The following F10 variants were observed in gnomAD, a reference collection of about 807,000 sequenced individuals.
The protein encoded by F10 is coagulation factor X.
A neutral mutation model predicts 37.1 loss-of-function variants in F10; 29 were observed. The observed-to-expected ratio is 0.78, with a 90% CI of 0.58 to 1.07. F10 has a LOEUF of 1.07. Among genes scored for constraint, F10 ranks in the 50% least tolerant of loss-of-function variants. F10 has a pLI of 0.00. For synonymous variants in F10, 262 were observed against 268.6 expected (o/e 0.98, Z 0.24); for missense variants, 539 against 667.9 (o/e 0.81, Z 2.13).
At position 113,144,021 on chromosome 13, in the gene F10, C is replaced by G; in HGVS notation, c.673C>G (p.Pro225Ala). 6.2e-7 allele frequency: 1 copy of G among 1,613,836 alleles called. No individual in the cohort carries two copies. The highest frequency in any genetic ancestry group is 1.3e-5 in the African/African-American group (1 of 74,968). ...CCTGCTTGACTTCAACCAGACGCAG[C>G]CTGAGAGGGGCGACAACAACCTCAC... is the stretch of plus-strand genomic sequence containing the variant. ...FDLLDFNQTQ[P>A]ERGDNNLTRI... Residue 225 changes from proline (P) to alanine (A), a missense_variant, in exon 6 of 8, where the codon CCT becomes GCT. Physicochemically the swap from Pro to Ala is conservative, Grantham distance 27 (BLOSUM62 -1). Around this residue, in one of 2 missense-constraint regions of F10, gnomAD observed 409 missense variants for 547.9 expected, o/e 0.75. Transcript: ENST00000375559. This position sits in a 1 kb window ranked among gnomAD's most constrained non-coding sequence, Gnocchi z 6.4.
chr13:113,122,997 C>T, intron 1 of F10, 72 bp downstream of exon 1: 8 of 1,527,292 alleles, frequency 5.2e-6, no homozygotes, highest in Non-Finnish European at 7.1e-6. Flanking sequence ...TGGGGAAACC[C>T]TCTCATCTCT....
chr13:113,133,872 T>C (rs987789499), intron 2 of F10, among the ~76,000 whole-genome samples: 1 of 152,218 alleles, frequency 6.6e-6, no homozygotes, highest in African/African-American at 2.4e-5. Context: ...ACTGGCTCAA[T>C]ATTTAAAAAT....
rs1488030736 is a variant in F10, at chr13:113,129,451, G to C, written c.71-1G>C. ...TTAACCCTGTCCTCCCTGCCTTCCA[G>C]TGTTCATCCGCAGGGAGCAGGCCAA... is the stretch of plus-strand genomic sequence containing the variant. On this transcript the variant is annotated splice_acceptor_variant, in intron 1 of 7. Coordinates refer to ENST00000375559, the MANE Select transcript of F10 (RefSeq NM_000504.4). LOFTEE classifies it high-confidence loss of function. 2 of 1,613,686 alleles carry C rather than the reference G, an allele frequency of 1.2e-6. No homozygotes were observed. Among genetic ancestry groups the C allele is most frequent in the South Asian group, 1.1e-5 (1 of 91,056 alleles).
intron 6 of F10, among the ~76,000 whole-genome samples, chr13:113,145,079 A>G (rs1418649998): frequency 6.6e-6 from 1 of 152,086 alleles, no homozygotes; most frequent in African/African-American, 2.4e-5. Flanking sequence ...ACGGGGTTTC[A>G]CCGTGTTAGC....
intron 1 of F10, among the ~76,000 whole-genome samples, chr13:113,124,350 G>A (rs890838609): frequency 3.9e-5 from 6 of 152,236 alleles, no homozygotes; most frequent in African/African-American, 7.2e-5. Flanking sequence ...CCTGCCAATG[G>A]GAAATGCAGG....
Position 113,143,700 on chromosome 13 carries a change from CGTGGGGCCTCGCCCTGCA to C in F10, c.503-150_503-133del. ...CTGCAGATCCGACCCCTGCCGACGA[CGTGGGGCCTCGCCCTGCA>C]AGCCCGCTGCCCCTCCGGGTGCCCC... On this transcript the variant is annotated intron_variant, in intron 5 of 7. Coordinates refer to ENST00000375559, the MANE Select transcript of F10 (RefSeq NM_000504.4). The surrounding 1 kb of genome is among the most constrained non-coding windows in gnomAD (Gnocchi z 6.8). 30 of 1,143,734 alleles carry C rather than the reference CGTGGGGCCTCGCCCTGCA, an allele frequency of 2.6e-5. No individual in the cohort carries two copies. The highest frequency in any genetic ancestry group is 1.3e-4 in the South Asian group (8 of 59,270). 70.8% of individuals were successfully genotyped at this position (1,143,734 alleles called of 1,614,324 possible). A position where few individuals can be genotyped will look rare whatever the true frequency, so the allele number is the denominator to read the frequency against.
intron 1 of F10, 57 bp from the exon 2 acceptor site, chr13:113,129,395 G>C: frequency 8.0e-7 from 1 of 1,245,104 alleles, no homozygotes; most frequent in African/African-American, 1.6e-5. Flanking sequence ...GCATAGGTGA[G>C]GGGGAGCCTG....
intron 2 of F10, among the ~76,000 whole-genome samples, chr13:113,136,569 T>C (rs2138537170): frequency 6.6e-6 from 1 of 150,876 alleles, no homozygotes; most frequent in Admixed American, 6.6e-5. Flanking sequence ...GTGATTCTCC[T>C]GCCTCAGCCT....
intron 3 of F10, 61 bp downstream of exon 3, chr13:113,138,542 G>A: frequency 9.4e-7 from 1 of 1,062,054 alleles, no homozygotes; most frequent in Non-Finnish European, 1.4e-6. Context: ...TTTGAATTTT[G>A]AAAATAGTTC....
chr13:113,135,195 A>G (rs1050568917), intron 2 of F10, among the ~76,000 whole-genome samples: 3 of 151,826 alleles, frequency 2.0e-5, no homozygotes, highest in African/African-American at 7.3e-5. Flanking sequence ...GTGAGCCAAG[A>G]TCAAGCCATT....
chr13:113,129,397 G>GGAGCCTGGGTGAAGA (rs2036403618), intron 1 of F10, 55 bp from the exon 2 acceptor site: 4 of 1,605,376 alleles, frequency 2.5e-6, no homozygotes, highest in African/African-American at 1.3e-5. Context: ...ATAGGTGAGG[G>GGAGCCTGGGTGAAGA]GGAGCCTGGG....
chr13:113,135,692 T>C (rs895715958), intron 2 of F10, among the ~76,000 whole-genome samples: 1 of 152,172 alleles, frequency 6.6e-6, no homozygotes, highest in African/African-American at 2.4e-5. Context: ...ATTATATATT[T>C]ATATGCAAAA....
chr13:113,147,685 G>T (rs1566922075), intron 7 of F10, among the ~76,000 whole-genome samples, 189 bp downstream of exon 7: 1 of 152,184 alleles, frequency 6.6e-6, no homozygotes. Context: ...GTGGGGAGGA[G>T]GACGGGGAGG....
rs1300922846 is a variant in F10, at chr13:113,148,345, A to AAATATATATATATATATAT, written c.866-570_866-569insATATATATATATATATATA. On this transcript the variant is annotated intron_variant, in intron 7 of 7. Transcript: ENST00000375559. ...AACTCTGTCTCAAAAAAAAAAAAAA[A>AAATATATATATATATATAT]ATATATATATATATATATGTATATA... Among the ~76,000 whole-genome samples, 30 of 95,392 alleles carry AAATATATATATATATATAT rather than the reference A, an allele frequency of 3.1e-4. No individual in the cohort carries two copies. The Admixed American group carries it at 3.3e-3, about 11-fold the overall frequency. The allele number at this position is 95,392 out of a possible 152,430, so 62.6% of individuals were successfully genotyped here.
At chr13:113,140,613 C>T (rs943479062) in intron 4 of F10, 1 of 597,204 alleles carries the variant, frequency 1.7e-6, no homozygotes. Context: ...AAAAGCCACA[C>T]AGAGGGATGT....
At chr13:113,142,824 C>T (rs1411426539) in intron 5 of F10, among the ~76,000 whole-genome samples, 2 of 151,752 alleles carry the variant, frequency 1.3e-5, no homozygotes, top group Non-Finnish European at 2.9e-5. Flanking sequence ...CCCAGCTACT[C>T]GGGAGGCTGA....
At chr13:113,123,035 G>T in intron 1 of F10, 110 bp downstream of exon 1, 1 of 1,267,860 alleles carries the variant, frequency 7.9e-7, no homozygotes, top group Non-Finnish European at 1.1e-6. Context: ...TGCCTTGAGT[G>T]CTGCCAGAGG....
At position 113,136,736 on chromosome 13, in the gene F10, C is replaced by T. The variant is rs1214177519; in HGVS notation, c.232-1721C>T. Among the ~76,000 whole-genome samples, 2 of 13,470 alleles carry T rather than the reference C, an allele frequency of 1.5e-4. 1 individual carries two copies. Among genetic ancestry groups the T allele is most frequent in the African/African-American group, 2.8e-4 (2 of 7,072 alleles). The allele number at this position is 13,470 out of a possible 152,430, so 8.8% of individuals were successfully genotyped here. The stretch of plus-strand genomic sequence containing the variant: ...CGGGATCTCGGCTCACTGCAAGCTC[C>T]GCCTCCCGGGTTCACGCCATTCTCC... On this transcript the variant is annotated intron_variant, in intron 2 of 7. Transcript: ENST00000375559.
At chr13:113,147,326 G>A (rs950179144) in intron 6 of F10, 53 bp from the exon 7 acceptor site, 1 of 1,270,488 alleles carries the variant, frequency 7.9e-7, no homozygotes, top group African/African-American at 1.4e-5. Context: ...TTCTCAGTCA[G>A]GCAACACCTG....
Sources: gnomAD v4.1 joint callset for allele counts (sites outside exome capture counted in the v4.1 genomes callset) on GRCh38, gnomAD v4.1.1 for gene constraint, gnomAD v4.1.1 regional missense constraint, Gnocchi (gnomAD v3.1) non-coding constraint, MANE v1.5 for transcripts, NCBI Gene and HGNC (gene_info 2026-07-23, HGNC 2026-07-21) for gene names.